Variants in COL4A6 observed in about 807,000 individuals in gnomAD.
COL4A6 encodes collagen alpha-6(IV) chain.
COL4A6 carries 59 observed loss-of-function variants against 126.7 expected under a neutral mutation model. The observed-to-expected ratio is 0.47, with a 90% confidence interval of 0.38 to 0.58. The LOEUF is 0.58. Ranked by LOEUF, COL4A6 falls within the 20% of genes least tolerant of loss-of-function variation. The pLI is 0.00. For synonymous variants in COL4A6, 547 were observed against 496.6 expected (o/e 1.10, Z -1.35); for missense variants, 1,285 against 1,337.3 (o/e 0.96, Z 0.61).
chrX:108,160,289 C>T (rs1202974248), intron 43 of COL4A6, among the ~76,000 whole-genome samples, 174 bp downstream of exon 43: 1 of 112,553 alleles, frequency 8.9e-6, no homozygotes, highest in African/African-American at 3.2e-5. Context: ...GCAGTGTACA[C>T]AGCTAGTAAG....
chrX:108,436,405 T>C lies in COL4A6; in HGVS notation c.63+1537A>G, dbSNP rs760260947. Among the ~76,000 whole-genome samples the C allele has an allele frequency of 6.2e-5, 7 of 112,674 alleles. No homozygotes were observed. The East Asian group carries it at 1.1e-3, about 18-fold the overall frequency. On this transcript the variant is annotated intron_variant, in intron 2 of 44. Coordinates refer to ENST00000334504, the MANE Select transcript of COL4A6 (RefSeq NM_033641.4). The stretch of plus-strand genomic sequence containing the variant: ...GGTATTAAGTGACAGGATGCAGTGT[T>C]TGTGAAGTCTTCAGCTATCTGGAAT...
intron 32 of COL4A6, among the ~76,000 whole-genome samples, chrX:108,171,828 A>G (rs763297637): frequency 8.9e-6 from 1 of 112,032 alleles, no homozygotes; most frequent in South Asian, 3.8e-4. Context: ...AAGAGACTGG[A>G]GCCGAGGTTC....
At chrX:108,369,892 TG>T (rs1421890187) in intron 2 of COL4A6, among the ~76,000 whole-genome samples, 2 of 112,194 alleles carry the variant, frequency 1.8e-5, no homozygotes, top group Non-Finnish European at 3.8e-5. Flanking sequence ...ATGAATAGAG[TG>T]GCTGTGTTCC....
intron 2 of COL4A6, among the ~76,000 whole-genome samples, chrX:108,396,331 C>G (rs747695086): frequency 9.0e-6 from 1 of 111,222 alleles, no homozygotes; most frequent in South Asian, 3.8e-4. Flanking sequence ...TCTTTCCACC[C>G]TCCCTTTTCA....
intron 3 of COL4A6, among the ~76,000 whole-genome samples, chrX:108,308,996 A>G (rs2147903065): frequency 8.9e-6 from 1 of 111,908 alleles, no homozygotes; most frequent in Non-Finnish European, 1.9e-5. Flanking sequence ...TCTTAAGGAC[A>G]CGTTAAGTTT....
chrX:108,225,237 G>A (rs1160064208), intron 3 of COL4A6, among the ~76,000 whole-genome samples: 1 of 112,028 alleles, frequency 8.9e-6, no homozygotes, highest in African/African-American at 3.2e-5. Context: ...CCCTGGGACT[G>A]TCCCCATCAG....
In COL4A6 at chrX:108,164,634, T is replaced by C; in HGVS notation, c.4035A>G (p.Gly1345=). 1 of 1,211,708 alleles carries C rather than the reference T, an allele frequency of 8.3e-7. No homozygotes were observed. The highest frequency in any genetic ancestry group is 1.1e-6 in the Non-Finnish European group (1 of 895,414). ...CTGCCTTCCCCTTCATTCCGGGAAA[T>C]CCTGGGTCTCCAGGTGGCCCAACCT... ...PGKVGPPGDP[G]FPGMKGKAGP... The change falls in exon 40 of 45, where the codon GGA becomes GGG. Residue 1345 remains glycine, a synonymous_variant. Coordinates refer to ENST00000334504, the MANE Select transcript of COL4A6 (RefSeq NM_033641.4).
intron 2 of COL4A6, among the ~76,000 whole-genome samples, chrX:108,405,971 ATC>A (rs966538102): frequency 5.4e-5 from 6 of 110,470 alleles, no homozygotes; most frequent in African/African-American, 2.0e-4. Context: ...CCTCCTATTT[ATC>A]TCTTTTTTTG....
chrX:108,161,664 C>A lies in COL4A6; in HGVS notation c.4288G>T (p.Gly1430Cys). 1 of 1,197,392 alleles carries A rather than the reference C, an allele frequency of 8.4e-7. No homozygotes were observed. Among genetic ancestry groups the A allele is most frequent in the South Asian group, 1.8e-5 (1 of 54,881 alleles). ...TGCAGTCCAGGCAGACCAGGATCAC[C>A]AAGAGCCCCAGGTGGGCCTGGGAGC... ...SGLPGPPGAL[G>C]DPGLPGLQGP... The change falls in exon 42 of 45, where the codon GGT (glycine) becomes TGT (cysteine). Residue 1430 changes from glycine to cysteine, a missense_variant. By Grantham distance (159) the Gly-to-Cys change is radical (BLOSUM62 -3). Coordinates refer to ENST00000334504, the MANE Select transcript of COL4A6 (RefSeq NM_033641.4).
intron 3 of COL4A6, among the ~76,000 whole-genome samples, chrX:108,226,025 G>A (rs936324778): frequency 9.8e-5 from 11 of 112,277 alleles, no homozygotes; most frequent in African/African-American, 3.6e-4. Flanking sequence ...CCTTCCTAAG[G>A]ATCCAGTTGT....
At chrX:108,348,603 T>G (rs1220116601) in intron 2 of COL4A6, among the ~76,000 whole-genome samples, 1 of 112,172 alleles carries the variant, frequency 8.9e-6, no homozygotes, top group East Asian at 2.8e-4. Context: ...AACAACTTCT[T>G]TGGTGTACTT....
chrX:108,330,055 T>C (rs2039259144), intron 2 of COL4A6, among the ~76,000 whole-genome samples: 1 of 111,190 alleles, frequency 9.0e-6, no homozygotes, highest in Admixed American at 9.7e-5. Context: ...CAGTTATATA[T>C]ATATATGGGC....
At position 108,193,575 on chromosome X, in the gene COL4A6, T is replaced by C. The variant is rs909472992; in HGVS notation, c.1072+53A>G. On this transcript the variant is annotated intron_variant, in intron 17 of 44. Transcript: ENST00000334504. ...ATCCTTTTAATAATTACAGGGGATA[T>C]AGGATTTAACTTCCTGTCTTTATTT... The C allele has an allele frequency of 5.4e-5, 54 of 996,809 alleles. No individual in the cohort carries two copies. The African/African-American group carries it at 6.5e-4, about 12-fold the overall frequency. 82.1% of individuals were successfully genotyped at this position (996,809 alleles called of 1,213,427 possible).
intron 3 of COL4A6, among the ~76,000 whole-genome samples, chrX:108,293,911 T>G (rs1372097821): frequency 1.8e-5 from 2 of 112,636 alleles, no homozygotes; most frequent in Non-Finnish European, 3.7e-5. Flanking sequence ...GCTTAATAAA[T>G]GCTTTTTATC....
chrX:108,398,506 T>C (rs933061966), intron 2 of COL4A6, among the ~76,000 whole-genome samples: 16 of 111,394 alleles, frequency 1.4e-4, no homozygotes, highest in African/African-American at 4.2e-4. Context: ...TGTTAGGTTC[T>C]ATATTCTGTA....
chrX:108,255,767 T>C, intron 3 of COL4A6, among the ~76,000 whole-genome samples: 1 of 111,356 alleles, frequency 9.0e-6, no homozygotes, highest in Non-Finnish European at 1.9e-5. Flanking sequence ...ATGACAATAA[T>C]CAACCACAGC....
At chrX:108,206,450 T>A in intron 9 of COL4A6, 68 bp downstream of exon 9, 1 of 1,078,092 alleles carries the variant, frequency 9.3e-7, no homozygotes, top group Non-Finnish European at 1.3e-6. Context: ...TTACATTGAA[T>A]CCATAGTATG....
intron 3 of COL4A6, among the ~76,000 whole-genome samples, chrX:108,227,878 G>A (rs2036211471): frequency 9.0e-6 from 1 of 111,659 alleles, no homozygotes. Context: ...CCAAGAGGAC[G>A]GATCCATTCA....
At chrX:108,233,691 A>G (rs1342928068) in intron 3 of COL4A6, among the ~76,000 whole-genome samples, 1 of 111,896 alleles carries the variant, frequency 8.9e-6, no homozygotes, top group Non-Finnish European at 1.9e-5. Context: ...CCAAACACAC[A>G]TGCCCACAGG....
Sources: allele counts gnomAD v4.1 joint callset (sites outside exome capture counted in the v4.1 genomes callset), GRCh38; gene constraint gnomAD v4.1.1; transcripts MANE v1.5; gene names NCBI Gene and HGNC (gene_info 2026-07-23, HGNC 2026-07-21).